NRG1: variants seen among roughly 807,000 people sequenced by gnomAD.
NRG1 encodes the protein pro-neuregulin-1, membrane-bound isoform.
Under a neutral mutation model 63.8 loss-of-function variants are expected in NRG1, and 18 were observed. That is an observed-to-expected ratio of 0.28 (90% CI 0.19 to 0.42). The LOEUF (loss-of-function observed/expected upper bound fraction) is 0.42. NRG1 is among the 10% of genes least tolerant of loss of function. The probability of loss-of-function intolerance (pLI) is 1.00; values close to 1 mark genes in which losing one functional copy is unlikely to be tolerated. For missense variants in NRG1, 762 were observed against 814.7 expected (o/e 0.94, Z 0.79); for synonymous variants, 302 against 301.3 (o/e 1.00, Z -0.02).
intron 1 of NRG1, among the ~76,000 whole-genome samples, chr8:32,431,573 T>C (rs529789841): frequency 2.0e-5 from 3 of 152,128 alleles, no homozygotes; most frequent in Non-Finnish European, 2.9e-5. Context: ...GGAGAGTTAA[T>C]ATTCTCAGAG....
chr8:32,504,550 C>G (rs559499145), intron 1 of NRG1, among the ~76,000 whole-genome samples: 3 of 151,826 alleles, frequency 2.0e-5, no homozygotes, highest in African/African-American at 7.3e-5. Context: ...ATAGGTACAA[C>G]GTACATACAT....
chr8:31,764,382 C>T (rs1817849268), intron 1 of NRG1, among the ~76,000 whole-genome samples: 1 of 152,094 alleles, frequency 6.6e-6, no homozygotes, highest in South Asian at 2.1e-4. Context: ...CTTTTACAGC[C>T]ATGATGACTT....
chr8:32,007,223 TGTAG>T (rs1441771337), intron 1 of NRG1, among the ~76,000 whole-genome samples: 2 of 152,034 alleles, frequency 1.3e-5, no homozygotes, highest in African/African-American at 2.4e-5. Flanking sequence ...TAACACAGGT[TGTAG>T]GAAGCAAATC....
intron 1 of NRG1, among the ~76,000 whole-genome samples, chr8:32,157,384 G>A (rs1447912477): frequency 4.0e-4 from 56 of 140,848 alleles, no homozygotes; most frequent in Non-Finnish European, 5.9e-4. Flanking sequence ...AAAAAAGGCC[G>A]GGCATGGCGG....
At chr8:32,248,143 G>T (rs75845186) in intron 1 of NRG1, among the ~76,000 whole-genome samples, 5,282 of 152,026 alleles carry the variant, frequency 0.035, 164 homozygotes, top group African/African-American at 0.084. Flanking sequence ...ACAAAAACAT[G>T]TTCTGCAAAC....
chr8:32,694,233 G>A (rs1812639557), intron 5 of NRG1, among the ~76,000 whole-genome samples: 1 of 152,270 alleles, frequency 6.6e-6, no homozygotes, highest in Non-Finnish European at 1.5e-5. Context: ...TCCAACACTT[G>A]TTAGTATCAA....
At chr8:32,403,262 T>TGCACTC (rs1458482603) in intron 1 of NRG1, among the ~76,000 whole-genome samples, 1 of 134,922 alleles carries the variant, frequency 7.4e-6, no homozygotes, top group East Asian at 2.2e-4. Context: ...ATCATGCCAC[T>TGCACTC]GCACTCCAGC....
intron 1 of NRG1, among the ~76,000 whole-genome samples, chr8:31,668,189 G>T (rs1806746608): frequency 6.6e-6 from 1 of 152,204 alleles, no homozygotes; most frequent in Non-Finnish European, 1.5e-5. Context: ...AAGGAATGTA[G>T]TGGAATTGGA....
chr8:32,008,240 A>G (rs561626283), intron 1 of NRG1, among the ~76,000 whole-genome samples: 7 of 152,056 alleles, frequency 4.6e-5, no homozygotes, highest in Admixed American at 3.3e-4. Flanking sequence ...CAGAGTGTCG[A>G]TTGCATGACT....
intron 1 of NRG1, among the ~76,000 whole-genome samples, chr8:32,567,090 G>A (rs940958673): frequency 3.9e-5 from 6 of 152,180 alleles, no homozygotes; most frequent in Non-Finnish European, 7.4e-5. Flanking sequence ...TGCCCACCTC[G>A]GCCTCCCAAA....
At chr8:31,985,913 C>T (rs1279602469) in intron 1 of NRG1, among the ~76,000 whole-genome samples, 1 of 152,062 alleles carries the variant, frequency 6.6e-6, no homozygotes, top group Non-Finnish European at 1.5e-5. Flanking sequence ...AACATTGCTT[C>T]CTAGTTTGAA....
intron 1 of NRG1, among the ~76,000 whole-genome samples, chr8:32,338,341 C>T (rs992059102): frequency 1.3e-5 from 2 of 152,122 alleles, no homozygotes; most frequent in Non-Finnish European, 2.9e-5. Context: ...TGCCCTTCAC[C>T]TTTATGTAAC....
intron 1 of NRG1, among the ~76,000 whole-genome samples, chr8:31,720,249 C>T (rs902446174): frequency 1.3e-5 from 2 of 152,052 alleles, no homozygotes; most frequent in Non-Finnish European, 2.9e-5. Flanking sequence ...GGTGGAGTGA[C>T]TGATACATTG....
chr8:32,344,673 T>G (rs1040926701), intron 1 of NRG1, among the ~76,000 whole-genome samples: 2 of 149,478 alleles, frequency 1.3e-5, no homozygotes, highest in African/African-American at 2.5e-5. Flanking sequence ...CAGGCTGGTC[T>G]TGAACTCCTG....
chr8:31,931,511 A>G (rs1834860777), intron 1 of NRG1, among the ~76,000 whole-genome samples: 1 of 152,210 alleles, frequency 6.6e-6, no homozygotes. Flanking sequence ...ACAACTAAGA[A>G]TAAGTACCTT....
At chr8:32,323,600 G>GTTA (rs1192764939) in intron 1 of NRG1, among the ~76,000 whole-genome samples, 1 of 152,264 alleles carries the variant, frequency 6.6e-6, no homozygotes, top group East Asian at 1.9e-4. Flanking sequence ...AAAACGTTGA[G>GTTA]TCATAGGTTA....
chr8:32,236,354 A>G (rs192023998), intron 1 of NRG1, among the ~76,000 whole-genome samples: 2 of 152,184 alleles, frequency 1.3e-5, no homozygotes, highest in Non-Finnish European at 1.5e-5. Context: ...TCCCTGCTGC[A>G]TACAACTTCC....
At chr8:32,653,449 C>T (rs1322980953) in intron 5 of NRG1, among the ~76,000 whole-genome samples, 4 of 152,188 alleles carry the variant, frequency 2.6e-5, no homozygotes, top group South Asian at 2.1e-4. Context: ...AACACTTGCC[C>T]AGCAATGTCC....
chr8:31,931,611 G>GA (rs1406163120), intron 1 of NRG1, among the ~76,000 whole-genome samples: 1 of 152,122 alleles, frequency 6.6e-6, no homozygotes, highest in Non-Finnish European at 1.5e-5. Flanking sequence ...ATTATTGTCT[G>GA]AAAAAATAAA....
Sources: allele counts gnomAD v4.1 joint callset (sites outside exome capture counted in the v4.1 genomes callset), GRCh38; gene constraint gnomAD v4.1.1; transcripts MANE v1.5; gene names NCBI Gene and HGNC (gene_info 2026-07-23, HGNC 2026-07-21).